FMN1: variants seen among roughly 807,000 people sequenced by gnomAD.
FMN1 encodes formin 1.
FMN1 carries 110 observed loss-of-function variants against 132.4 expected under a neutral mutation model. That is an observed-to-expected ratio of 0.83 (90% CI 0.71 to 0.97). The LOEUF is 0.97. FMN1 is among the 50% of genes least tolerant of loss of function. FMN1 has a pLI of 0.00. For synonymous variants in FMN1, 722 were observed against 651.7 expected (o/e 1.11, Z -1.64); for missense variants, 1,792 against 1,705.3 (o/e 1.05, Z -0.90).
intron 6 of FMN1, among the ~76,000 whole-genome samples, chr15:33,029,975 G>A (rs1403626874): frequency 6.6e-6 from 1 of 152,182 alleles, no homozygotes; most frequent in East Asian, 1.9e-4. Flanking sequence ...GGCTAACAGG[G>A]TGAAACCCCG....
At chr15:33,119,340 G>C (rs1399872127) in intron 4 of FMN1, among the ~76,000 whole-genome samples, 1 of 152,148 alleles carries the variant, frequency 6.6e-6, no homozygotes, top group Non-Finnish European at 1.5e-5. Context: ...AGTGGTAGCA[G>C]GCACCCATGG....
chr15:32,859,283 T>A (rs550840917), intron 16 of FMN1, among the ~76,000 whole-genome samples: 1 of 152,326 alleles, frequency 6.6e-6, no homozygotes, highest in Non-Finnish European at 1.5e-5. Context: ...TGGGTTCTCA[T>A]CACAAATTCA....
intron 6 of FMN1, among the ~76,000 whole-genome samples, chr15:33,059,739 GAGTA>G (rs1454983348): frequency 2.6e-5 from 4 of 152,200 alleles, no homozygotes; most frequent in African/African-American, 7.2e-5. Flanking sequence ...TCTGTAAAAT[GAGTA>G]AGTTAAACTA....
chr15:33,034,992 C>T (rs2036121701), intron 6 of FMN1, among the ~76,000 whole-genome samples: 1 of 152,182 alleles, frequency 6.6e-6, no homozygotes, highest in Non-Finnish European at 1.5e-5. Flanking sequence ...CTGTTTGCAC[C>T]ATGGATTCCT....
In FMN1 at chr15:33,151,988, C is replaced by T. The variant is rs1394312097; in HGVS notation, c.1867+1060G>A. ...TCACAAGTTCAAAATGACCAAAAAG[C>T]TTTGAAGCTCCTCTTCCCTAGATAG... On this transcript the variant is annotated intron_variant, in intron 4 of 20. Transcript: ENST00000616417. Among the ~76,000 whole-genome samples, 3 of 152,200 alleles carry T rather than the reference C, an allele frequency of 2.0e-5. No individual in the cohort carries two copies. In the East Asian group the frequency reaches 5.8e-4, roughly 29 times the overall value.
intron 7 of FMN1, among the ~76,000 whole-genome samples, chr15:32,974,056 G>T (rs1339976149): frequency 1.3e-5 from 2 of 152,140 alleles, no homozygotes; most frequent in Admixed American, 6.5e-5. Context: ...CCTTACAAAG[G>T]AAACTACAGA....
At chr15:33,131,563 G>A (rs1394500965) in intron 4 of FMN1, among the ~76,000 whole-genome samples, 1 of 152,128 alleles carries the variant, frequency 6.6e-6, no homozygotes, top group African/African-American at 2.4e-5. Context: ...AACTGTGAAC[G>A]TAATAATATG....
intron 9 of FMN1, among the ~76,000 whole-genome samples, chr15:32,936,782 GGAA>G (rs2061284280): frequency 6.6e-6 from 1 of 152,118 alleles, no homozygotes; most frequent in East Asian, 1.9e-4. Context: ...AGGAAGCAGA[GGAA>G]GAAGAAAAAA....
intron 4 of FMN1, among the ~76,000 whole-genome samples, chr15:33,132,665 ATTC>A (rs1443870884): frequency 1.3e-5 from 2 of 152,174 alleles, no homozygotes; most frequent in African/African-American, 4.8e-5. Flanking sequence ...CCAGCCTATT[ATTC>A]TTCTTGGTGA....
At chr15:32,894,676 A>T (rs1266106693) in intron 15 of FMN1, among the ~76,000 whole-genome samples, 1 of 152,018 alleles carries the variant, frequency 6.6e-6, no homozygotes, top group Non-Finnish European at 1.5e-5. Context: ...ACCTCAAAAA[A>T]GGGCCATGTA....
At chr15:32,934,611 T>TA (rs1474932223) in intron 9 of FMN1, among the ~76,000 whole-genome samples, 2 of 150,308 alleles carry the variant, frequency 1.3e-5, no homozygotes, top group African/African-American at 4.9e-5. Context: ...TTTTTTTTTT[T>TA]TTTTTGGGTG....
chr15:33,104,264 T>C (rs964488438), intron 4 of FMN1, among the ~76,000 whole-genome samples: 2 of 152,138 alleles, frequency 1.3e-5, no homozygotes, highest in Non-Finnish European at 2.9e-5. Flanking sequence ...GACTGAACTG[T>C]ATGGTGCTGA....
At chr15:32,808,863 G>T (rs1390481927) in intron 17 of FMN1, among the ~76,000 whole-genome samples, 2 of 150,276 alleles carry the variant, frequency 1.3e-5, no homozygotes, top group East Asian at 1.9e-4. Context: ...CAGTAGACAA[G>T]AATTTTGGTT....
chr15:33,080,195 GA>G (rs1357101166), intron 5 of FMN1, among the ~76,000 whole-genome samples: 1 of 152,170 alleles, frequency 6.6e-6, no homozygotes, highest in Non-Finnish European at 1.5e-5. Flanking sequence ...GGCTTCCATG[GA>G]AACAATACAA....
chr15:32,772,393 C>T lies in FMN1; in HGVS notation c.*1917G>A, dbSNP rs947191404. 6.6e-6 allele frequency: 1 copy of T among 152,200 alleles called. No individual in the cohort carries two copies. Among genetic ancestry groups the T allele is most frequent in the African/African-American group, 2.4e-5 (1 of 41,458 alleles). 9.4% of individuals were successfully genotyped at this position (152,200 alleles called of 1,614,324 possible). A position where few individuals can be genotyped will look rare whatever the true frequency, so the allele number is the denominator to read the frequency against. ...GCTGAATTATATGGCATGGGTAAAACTGGCACTTTTCTTGTGCATGATAAC... is the reference window on the plus strand; with the variant it reads ...GCTGAATTATATGGCATGGGTAAAATTGGCACTTTTCTTGTGCATGATAAC... On this transcript the variant is annotated 3_prime_UTR_variant, in exon 21 of 21. Coordinates refer to ENST00000616417, the MANE Select transcript of FMN1 (RefSeq NM_001277313.2).
intron 12 of FMN1, among the ~76,000 whole-genome samples, chr15:32,903,786 G>C (rs347921): frequency 6.6e-6 from 1 of 151,826 alleles, no homozygotes; most frequent in Non-Finnish European, 1.5e-5. Flanking sequence ...TGTATGTTAC[G>C]CAAGAAAGGG....
chr15:32,839,303 C>T (rs540189493), intron 17 of FMN1, among the ~76,000 whole-genome samples: 6 of 152,274 alleles, frequency 3.9e-5, no homozygotes, highest in East Asian at 1.9e-4. Context: ...GTCTCAACCA[C>T]GGAGCGTCAG....
At chr15:33,116,678 G>C (rs1227583738) in intron 4 of FMN1, among the ~76,000 whole-genome samples, 1 of 151,978 alleles carries the variant, frequency 6.6e-6, no homozygotes, top group African/African-American at 2.4e-5. Context: ...CTGTGATAAA[G>C]CAGTTGTAGA....
At chr15:32,904,044 A>AT (rs2060361379) in intron 12 of FMN1, among the ~76,000 whole-genome samples, 1 of 152,170 alleles carries the variant, frequency 6.6e-6, no homozygotes, top group Non-Finnish European at 1.5e-5. Context: ...TGTATGAGGC[A>AT]TTTACAGTGT....
Sources: allele counts gnomAD v4.1 joint callset (sites outside exome capture counted in the v4.1 genomes callset), GRCh38; gene constraint gnomAD v4.1.1; transcripts MANE v1.5; gene names NCBI Gene and HGNC (gene_info 2026-07-23, HGNC 2026-07-21).